The following STXBP5 variants were observed in gnomAD, a reference collection of about 807,000 sequenced individuals.
STXBP5 encodes the protein syntaxin binding protein 5.
Under a neutral mutation model 152.4 loss-of-function variants are expected in STXBP5, and 50 were observed. The ratio of observed to expected loss-of-function variants is 0.33; its 90% confidence interval spans 0.26 to 0.42. STXBP5 has a LOEUF of 0.42. STXBP5 is among the 10% of genes least tolerant of loss of function. The pLI, the probability that STXBP5 is intolerant of heterozygous loss-of-function variation, is 1.00. For synonymous variants in STXBP5, 492 were observed against 494.7 expected, an observed-to-expected ratio of 0.99 and a Z score of 0.07; for missense variants, 1,167 against 1,388.6, an observed-to-expected ratio of 0.84 and a Z score of 2.54.
chr6:147,301,464 A>G (rs1173181599), intron 9 of STXBP5, among the ~76,000 whole-genome samples: 2 of 152,172 alleles, frequency 1.3e-5, no homozygotes, highest in Non-Finnish European at 2.9e-5. Flanking sequence ...ATGGACTTTT[A>G]CAATTTGAAG....
In STXBP5 at chr6:147,327,339, G is replaced by A. The variant is rs894571946; in HGVS notation, c.2080+63G>A. On this transcript the variant is annotated intron_variant, in intron 18 of 27. Transcript: ENST00000321680. ...TTTCTATAAATGCTGGCTTACTTTT[G>A]TGAATATAAGTATTATAGTTAGGTA... is the stretch of plus-strand genomic sequence containing the variant. 8 of 1,543,718 alleles carry A rather than the reference G, an allele frequency of 5.2e-6. No homozygotes were observed. In the African/African-American group the frequency reaches 1.1e-4, roughly 21 times the overall value.
chr6:147,290,811 AG>A (rs1364536700), intron 8 of STXBP5, among the ~76,000 whole-genome samples: 1 of 152,208 alleles, frequency 6.6e-6, no homozygotes, highest in Non-Finnish European at 1.5e-5. Context: ...TCTGCAATTA[AG>A]AACATTGGAA....
At chr6:147,255,931 T>C (rs1236192021) in intron 4 of STXBP5, among the ~76,000 whole-genome samples, 1 of 152,234 alleles carries the variant, frequency 6.6e-6, no homozygotes, top group Non-Finnish European at 1.5e-5. Flanking sequence ...TTTTTTGGAC[T>C]GTAGACTATC....
chr6:147,379,272 C>T (rs1462102409), intron 26 of STXBP5, among the ~76,000 whole-genome samples: 1 of 152,088 alleles, frequency 6.6e-6, no homozygotes, highest in Non-Finnish European at 1.5e-5. Flanking sequence ...ATGTAGCCAT[C>T]TATGGGGGAA....
At chr6:147,281,622 T>A (rs1394392805) in intron 8 of STXBP5, among the ~76,000 whole-genome samples, 3 of 152,226 alleles carry the variant, frequency 2.0e-5, no homozygotes, top group Non-Finnish European at 4.4e-5. Context: ...TTTTCTTATT[T>A]AAGTTCATCT....
chr6:147,380,583 G>T (rs191507463), intron 26 of STXBP5, among the ~76,000 whole-genome samples: 97 of 151,638 alleles, frequency 6.4e-4, no homozygotes, highest in African/African-American at 2.2e-3. Context: ...GTATAAATTT[G>T]TGTAACCTTG....
Position 147,327,125 on chromosome 6 carries a change from G to A in STXBP5, c.1929G>A (p.Leu643=). Residue 643 remains leucine (L), a splice_region_variant and synonymous_variant, in exon 18 of 28, where the codon CTG becomes CTA. Transcript: ENST00000321680. ...TSLAVNSSYG[L]VVFGNCNGIA... is the part of the protein sequence containing the mutation. ...ATGTTTGTTATTTTCCTATTCCCAG[G>A]GTGGTTTTTGGCAATTGCAATGGCA... 1 of 1,604,408 alleles carries A rather than the reference G, an allele frequency of 6.2e-7. No homozygotes were observed. Among genetic ancestry groups the A allele is most frequent in the Non-Finnish European group, 8.5e-7 (1 of 1,177,400 alleles).
chr6:147,210,744 G>A (rs972622918), intron 2 of STXBP5, among the ~76,000 whole-genome samples: 9 of 152,128 alleles, frequency 5.9e-5, no homozygotes, highest in Admixed American at 1.3e-4. Context: ...TTATTGTCAC[G>A]ATTAAATCTA....
chr6:147,378,025 C>T (rs952655422), intron 26 of STXBP5, among the ~76,000 whole-genome samples: 5 of 151,952 alleles, frequency 3.3e-5, no homozygotes, highest in African/African-American at 1.2e-4. Flanking sequence ...CAATGAAAGT[C>T]GACAAAAAGC....
chr6:147,361,554 T>C (rs1459901038), intron 23 of STXBP5, among the ~76,000 whole-genome samples: 1 of 152,158 alleles, frequency 6.6e-6, no homozygotes, highest in African/African-American at 2.4e-5. Flanking sequence ...GTTTCTGTGC[T>C]TCAGAGCCTA....
At chr6:147,283,251 C>G (rs1428445690) in intron 8 of STXBP5, among the ~76,000 whole-genome samples, 5 of 152,160 alleles carry the variant, frequency 3.3e-5, no homozygotes, top group African/African-American at 1.2e-4. Context: ...AAATAAAATT[C>G]AAATTCACCT....
intron 2 of STXBP5, among the ~76,000 whole-genome samples, chr6:147,231,262 C>T (rs1401963312): frequency 1.3e-5 from 2 of 151,588 alleles, no homozygotes; most frequent in Non-Finnish European, 3.0e-5. Flanking sequence ...AATTACACAG[C>T]CTTGTGTTCA....
chr6:147,338,677 T>G (rs898778102), intron 19 of STXBP5, among the ~76,000 whole-genome samples: 1 of 151,468 alleles, frequency 6.6e-6, no homozygotes, highest in Non-Finnish European at 1.5e-5. Flanking sequence ...TCTTCACTAT[T>G]TTAAAGATCC....
At chr6:147,294,056 C>T (rs1781401796) in intron 9 of STXBP5, among the ~76,000 whole-genome samples, 1 of 152,106 alleles carries the variant, frequency 6.6e-6, no homozygotes, top group Non-Finnish European at 1.5e-5. Flanking sequence ...CTGGAGAAAC[C>T]AGATGTTCTC....
At position 147,310,428 on chromosome 6, in the gene STXBP5, A is replaced by T. The variant is rs148538847; in HGVS notation, c.1072+190A>T. 1.8e-3 allele frequency among the ~76,000 whole-genome samples: 278 copies of T among 152,268 alleles called. 1 individual carries two copies. Among genetic ancestry groups the T allele is most frequent in the African/African-American group, 6.0e-3 (251 of 41,554 alleles). On this transcript the variant is annotated intron_variant, in intron 10 of 27. Coordinates refer to ENST00000321680, the MANE Select transcript of STXBP5 (RefSeq NM_001127715.4). Reference sequence around the variant, plus strand: ...ATAAATTTAATCTGTTTTGAAGAATAAAAAAACGCTATTCATATTAAGAAA... The same window carrying T: ...ATAAATTTAATCTGTTTTGAAGAATTAAAAAACGCTATTCATATTAAGAAA...
At position 147,204,782 on chromosome 6, in the gene STXBP5, G is replaced by A. The variant is rs1776453367; in HGVS notation, c.150+100G>A. The A allele has an allele frequency of 2.4e-6, 3 of 1,227,500 alleles. No homozygotes were observed. The highest frequency in any genetic ancestry group is 3.2e-5 in the Admixed American group (1 of 30,946). 76.0% of individuals were successfully genotyped at this position (1,227,500 alleles called of 1,614,324 possible). A position where few individuals can be genotyped will look rare whatever the true frequency, so the allele number is the denominator to read the frequency against. On this transcript the variant is annotated intron_variant, in intron 1 of 27. Transcript: ENST00000321680. The surrounding 1 kb of genome is among the most constrained non-coding windows in gnomAD (Gnocchi z 4.3). ...ACATGGGAATGCAAGGGAAGAGAAC[G>A]CCAATAATAATAATAATAACTCTAA...
chr6:147,353,952 C>T (rs1183133374), intron 22 of STXBP5, among the ~76,000 whole-genome samples: 1 of 152,054 alleles, frequency 6.6e-6, no homozygotes, highest in East Asian at 1.9e-4. Context: ...ACCTTGATAT[C>T]ACATAGGGAC....
At position 147,262,349 on chromosome 6, in the gene STXBP5, G is replaced by T. The variant is rs1779682509; in HGVS notation, c.626G>T (p.Gly209Val). 1 of 1,555,838 alleles carries T rather than the reference G, an allele frequency of 6.4e-7. No homozygotes were observed. Among genetic ancestry groups the T allele is most frequent in the African/African-American group, 1.4e-5 (1 of 71,902 alleles). Residue 209 changes from glycine to valine, a missense_variant, in exon 6 of 28, where the codon GGA becomes GTA. Gly to Val is a moderately radical substitution (Grantham distance 109, BLOSUM62 -3). Transcript: ENST00000321680. ...VHISDNPMDE[G>V]KLLIGFESGT... is the part of the protein sequence containing the mutation. ...ATAAGTGATAATCCAATGGACGAGG[G>T]AAAGGTAGAATTTTTTGTAAAAAAT...
At chr6:147,240,269 T>C (rs1023912357) in intron 4 of STXBP5, among the ~76,000 whole-genome samples, 9 of 152,168 alleles carry the variant, frequency 5.9e-5, no homozygotes, top group Non-Finnish European at 1.0e-4. Context: ...GTTTTATTTT[T>C]TATACTTAAT....
Sources: allele counts gnomAD v4.1 joint callset (sites outside exome capture counted in the v4.1 genomes callset), GRCh38; gene constraint gnomAD v4.1.1; non-coding constraint Gnocchi (gnomAD v3.1); transcripts MANE v1.5; gene names NCBI Gene and HGNC (gene_info 2026-07-23, HGNC 2026-07-21).